The following DZIP1 variants were observed in gnomAD, a reference collection of about 807,000 sequenced individuals.
DZIP1 encodes DAZ interacting zinc finger protein 1, also known as cilium assembly protein DZIP1.
Under a neutral mutation model 107.6 loss-of-function variants are expected in DZIP1, and 97 were observed. That is an observed-to-expected ratio of 0.90 (90% CI 0.77 to 1.07). DZIP1 has a LOEUF of 1.07. Among genes scored for constraint, DZIP1 ranks in the 50% least tolerant of loss-of-function variants. The pLI is 0.00. For synonymous variants in DZIP1, 390 were observed against 386.4 expected, an observed-to-expected ratio of 1.01 and a Z score of -0.11; for missense variants, 1,035 against 1,063.6, an observed-to-expected ratio of 0.97 and a Z score of 0.37.
intron 8 of DZIP1, among the ~76,000 whole-genome samples, chr13:95,624,492 C>T (rs1190998399): frequency 1.3e-5 from 2 of 152,158 alleles, no homozygotes; most frequent in East Asian, 3.8e-4. Flanking sequence ...CAAGGCTAAC[C>T]TAACCAGATA....
In DZIP1 at chr13:95,611,595, C is replaced by T. The variant is rs952272991; in HGVS notation, c.1315-102G>A. On this transcript the variant is annotated intron_variant, in intron 11 of 22. Coordinates refer to ENST00000376829, the MANE Select transcript of DZIP1 (RefSeq NM_198968.4). ...TGTTGTTAGTAAATTAACCTTTTCACTAAATTATCCAGGGACATAGGGCAT... is the reference window on the plus strand; with the variant it reads ...TGTTGTTAGTAAATTAACCTTTTCATTAAATTATCCAGGGACATAGGGCAT... 10 of 1,000,294 alleles carry T rather than the reference C, an allele frequency of 1.0e-5. No individual in the cohort carries two copies. In the East Asian group the frequency reaches 1.7e-4, roughly 17 times the overall value. 62.0% of individuals were successfully genotyped at this position (1,000,294 alleles called of 1,614,324 possible).
chr13:95,620,466 C>T (rs759286338), intron 9 of DZIP1, among the ~76,000 whole-genome samples: 27 of 152,142 alleles, frequency 1.8e-4, no homozygotes, highest in Non-Finnish European at 3.2e-4. Flanking sequence ...GTCAAAAATG[C>T]TTAAATACAT....
At position 95,582,311 on chromosome 13, in the gene DZIP1, G is replaced by A. The variant is rs925148154; in HGVS notation, c.2527C>T (p.Leu843Phe). The change falls in exon 23 of 23, where the codon CTT becomes TTT. Residue 843 changes from leucine (L) to phenylalanine (F), a missense_variant and splice_region_variant. By Grantham distance (22) the Leu-to-Phe change is conservative (BLOSUM62 0). Coordinates refer to ENST00000376829, the MANE Select transcript of DZIP1 (RefSeq NM_198968.4). ...FNPKGPKGEG[L>F]QENESSTLKS... ...AATGTGCTTGATTCATTTTCTTGAA[G>A]TCCTGTAAGTGGTGGGTAGAGGCAG... The A allele has an allele frequency of 6.2e-6, 10 of 1,613,974 alleles. No individual in the cohort carries two copies. Among genetic ancestry groups the A allele is most frequent in the Middle Eastern group, 1.6e-4 (1 of 6,084 alleles).
intron 9 of DZIP1, 152 bp from the exon 10 acceptor site, chr13:95,620,099 C>T (rs1875640173): frequency 2.7e-6 from 2 of 727,494 alleles, no homozygotes; most frequent in Admixed American, 2.7e-5. Flanking sequence ...GGTCCCCACT[C>T]AAATCTCATG....
In DZIP1 at chr13:95,593,869, C is replaced by G. The variant is rs1594655608; in HGVS notation, c.1680+75G>C. 7.9e-6 allele frequency: 12 copies of G among 1,514,442 alleles called. No homozygotes were observed. The East Asian group carries it at 2.8e-4, about 35-fold the overall frequency. The allele number at this position is 1,514,442 out of a possible 1,614,324, so 93.8% of individuals were successfully genotyped here. A position where few individuals can be genotyped will look rare whatever the true frequency, so the allele number is the denominator to read the frequency against. ...GGACAGAATTGATGTGCTTTCTTCT[C>G]TTCCATGATCATTTCTAATTTAGAA... On this transcript the variant is annotated intron_variant, in intron 16 of 22. Coordinates refer to ENST00000376829, the MANE Select transcript of DZIP1 (RefSeq NM_198968.4).
intron 8 of DZIP1, among the ~76,000 whole-genome samples, chr13:95,622,743 ATT>A (rs5805944): frequency 1.3e-4 from 19 of 140,814 alleles, no homozygotes; most frequent in East Asian, 2.1e-4. Context: ...AACGAGTCTA[ATT>A]TTTTTTTTTT....
intron 10 of DZIP1, among the ~76,000 whole-genome samples, chr13:95,615,096 T>C (rs923667228): frequency 1.3e-5 from 2 of 152,190 alleles, no homozygotes; most frequent in Non-Finnish European, 2.9e-5. Flanking sequence ...TGCAGCCTAG[T>C]GGTGGCACAA....
At chr13:95,590,659 G>A (rs1024923670) in intron 16 of DZIP1, among the ~76,000 whole-genome samples, 2 of 152,246 alleles carry the variant, frequency 1.3e-5, no homozygotes, top group East Asian at 1.9e-4. Context: ...CTGGCTGACC[G>A]ACGAGGCTGT....
At chr13:95,615,193 C>G (rs918092640) in intron 10 of DZIP1, among the ~76,000 whole-genome samples, 1 of 152,136 alleles carries the variant, frequency 6.6e-6, no homozygotes, top group Non-Finnish European at 1.5e-5. Context: ...GACAACTGTC[C>G]GTCTTTCTCT....
intron 14 of DZIP1, among the ~76,000 whole-genome samples, chr13:95,605,274 T>C: frequency 6.6e-6 from 1 of 152,216 alleles, no homozygotes. Context: ...CCAGAGCAAC[T>C]GTATGTGAGA....
chr13:95,622,513 T>C, intron 8 of DZIP1, 33 bp from the exon 9 acceptor site: 1 of 1,612,566 alleles, frequency 6.2e-7, no homozygotes, highest in Non-Finnish European at 8.5e-7. Context: ...AGTACTACAG[T>C]TAGACTTTCA....
chr13:95,611,354 C>A, intron 12 of DZIP1, 91 bp downstream of exon 12: 1 of 938,310 alleles, frequency 1.1e-6, no homozygotes. Flanking sequence ...CATCTTAGCA[C>A]ACATAAACAA....
In DZIP1 at chr13:95,626,212, G is replaced by A. The variant is rs1257368493; in HGVS notation, c.811-1283C>T. Among the ~76,000 whole-genome samples the A allele has an allele frequency of 3.3e-5, 5 of 151,898 alleles. 1 individual carries two copies. In the South Asian group the frequency reaches 1.0e-3, roughly 32 times the overall value. On this transcript the variant is annotated intron_variant, in intron 7 of 22. Transcript: ENST00000376829. ...AAAGATGAACAAACCAAACTCAAAG[G>A]CAGCAGAAAGAAAAAAATTATGAAA...
chr13:95,633,205 A>G, intron 6 of DZIP1, 29 bp downstream of exon 6: 1 of 1,595,190 alleles, frequency 6.3e-7, no homozygotes, highest in Non-Finnish European at 8.6e-7. Flanking sequence ...CAGGAAGAAA[A>G]GAGCTTTCAA....
chr13:95,632,458 C>A (rs1435180555), intron 6 of DZIP1, among the ~76,000 whole-genome samples: 2 of 152,168 alleles, frequency 1.3e-5, no homozygotes, highest in Non-Finnish European at 2.9e-5. Context: ...CACCTGCCCA[C>A]CTGCCTGGGG....
Position 95,590,260 on chromosome 13 carries a change from C to T in DZIP1, c.1843+19G>A. ...AGTTGTTAAATTAAGCTCCCATTTG[C>T]AGTGGGTAACAAGCTTACCTGAAGA... On this transcript the variant is annotated intron_variant, in intron 17 of 22. Coordinates refer to ENST00000376829, the MANE Select transcript of DZIP1 (RefSeq NM_198968.4). The T allele has an allele frequency of 1.3e-6, 2 of 1,563,466 alleles. No homozygotes were observed. Among genetic ancestry groups the T allele is most frequent in the South Asian group, 1.2e-5 (1 of 81,706 alleles).
intron 5 of DZIP1, among the ~76,000 whole-genome samples, chr13:95,636,028 G>C (rs535986985): frequency 6.6e-6 from 1 of 151,656 alleles, no homozygotes; most frequent in Non-Finnish European, 1.5e-5. Flanking sequence ...GGAAAAACAT[G>C]GCATGCAAAA....
intron 8 of DZIP1, among the ~76,000 whole-genome samples, chr13:95,623,218 C>T (rs1876117432): frequency 6.6e-6 from 1 of 152,108 alleles, no homozygotes; most frequent in African/African-American, 2.4e-5. Context: ...CATATTATTC[C>T]CAATGTTACT....
In DZIP1 at chr13:95,589,174, G is replaced by A. The variant is rs1462496785; in HGVS notation, c.2007C>T (p.Pro669=). ...IKKNVMEDPF[P]RKSSTITTPP... Reference sequence around the variant, plus strand: ...CTCACGTAATAGTTGAAGACTTTCTGGGAAAAGGATCTTCCATGACATTTT... The same window carrying A: ...CTCACGTAATAGTTGAAGACTTTCTAGGAAAAGGATCTTCCATGACATTTT... Residue 669 remains proline, a synonymous_variant, in exon 19 of 23, where the codon CCC becomes CCT. Transcript: ENST00000376829. The A allele has an allele frequency of 6.2e-7, 1 of 1,605,988 alleles. No homozygotes were observed. The highest frequency in any genetic ancestry group is 1.3e-5 in the African/African-American group (1 of 74,408).
Sources: gnomAD v4.1 joint callset for allele counts (sites outside exome capture counted in the v4.1 genomes callset) on GRCh38, gnomAD v4.1.1 for gene constraint, MANE v1.5 for transcripts, NCBI Gene and HGNC (gene_info 2026-07-23, HGNC 2026-07-21) for gene names.